Variants in TAOK1 observed in about 807,000 individuals in gnomAD.
TAOK1 encodes the protein TAO kinase 1.
Under a neutral mutation model 138.3 loss-of-function variants are expected in TAOK1, and 21 were observed. The ratio of observed to expected loss-of-function variants is 0.15; its 90% CI spans 0.11 to 0.22. The LOEUF (loss-of-function observed/expected upper bound fraction) is 0.22, where lower values mean the gene tolerates loss of function less well. Ranked by LOEUF, TAOK1 falls within the 10% of genes least tolerant of loss-of-function variation. TAOK1 has a pLI of 1.00. For synonymous variants in TAOK1, 361 were observed against 398.4 expected, an observed-to-expected ratio of 0.91 and a Z score of 1.12; for missense variants, 651 against 1,227.7, an observed-to-expected ratio of 0.53 and a Z score of 7.02.
rs573784402 is a variant in TAOK1 at position 29,444,605 on chromosome 17, T to G, written c.-94-6850T>G. Reference sequence around the variant, plus strand: ...CTTCAGGTAATATGAGTGCTTCACCTTTATTCTTTTTAAAAAGTTATTTTG... The same window carrying G: ...CTTCAGGTAATATGAGTGCTTCACCGTTATTCTTTTTAAAAAGTTATTTTG... On this transcript the variant is annotated intron_variant, in intron 1 of 19. Transcript: ENST00000261716. Among the ~76,000 whole-genome samples the G allele has an allele frequency of 1.6e-4, 25 of 152,328 alleles. 1 individual carries two copies. Among genetic ancestry groups the G allele is most frequent in the African/African-American group, 6.0e-4 (25 of 41,584 alleles).
At chr17:29,463,113 ATTAT>A (rs971866597) in intron 2 of TAOK1, among the ~76,000 whole-genome samples, 4 of 152,236 alleles carry the variant, frequency 2.6e-5, no homozygotes, top group Admixed American at 6.5e-5. Context: ...AAATGTAGAA[ATTAT>A]TTATCCCTTT....
chr17:29,507,004 A>T (rs1221129348), intron 13 of TAOK1, among the ~76,000 whole-genome samples: 2 of 152,206 alleles, frequency 1.3e-5, no homozygotes, highest in Non-Finnish European at 2.9e-5. Context: ...ATAAAAACTC[A>T]TATGACACTA....
At chr17:29,396,550 G>A (rs990237197) in intron 1 of TAOK1, among the ~76,000 whole-genome samples, 2 of 152,100 alleles carry the variant, frequency 1.3e-5, no homozygotes, top group African/African-American at 2.4e-5. Context: ...AAAATTATTT[G>A]ATCAAATAGT....
intron 16 of TAOK1, among the ~76,000 whole-genome samples, chr17:29,519,839 TAGAACTCTGTCCTAC>T (rs1309094888): frequency 1.3e-5 from 2 of 152,186 alleles, no homozygotes; most frequent in Non-Finnish European, 2.9e-5. Flanking sequence ...AATCCACTTC[TAGAACTCTGTCCTAC>T]AGAAATAGTA....
intron 2 of TAOK1, among the ~76,000 whole-genome samples, chr17:29,458,035 G>A (rs946578876): frequency 6.6e-6 from 1 of 151,952 alleles, no homozygotes; most frequent in Non-Finnish European, 1.5e-5. Context: ...GCGTGAACCC[G>A]GGAGGTGGAG....
At position 29,508,143 on chromosome 17, in the gene TAOK1, C is replaced by A. The variant is rs1164109282; in HGVS notation, c.1575+11C>A. 6.2e-7 allele frequency: 1 copy of A among 1,604,810 alleles called. No individual in the cohort carries two copies. Among genetic ancestry groups the A allele is most frequent in the South Asian group, 1.1e-5 (1 of 90,774 alleles). On this transcript the variant is annotated intron_variant, in intron 14 of 19. Coordinates refer to ENST00000261716, the MANE Select transcript of TAOK1 (RefSeq NM_020791.4). The stretch of plus-strand genomic sequence containing the variant: ...GCCATGGAGAAAGAGGTGGCTTATT[C>A]AGTATTATTACTTTGCTTATTTTAG...
intron 1 of TAOK1, among the ~76,000 whole-genome samples, chr17:29,397,558 G>A (rs576451868): frequency 4.5e-5 from 6 of 133,396 alleles, no homozygotes; most frequent in South Asian, 4.6e-4. Flanking sequence ...AGCCGAGATC[G>A]TGCCATTGCA....
At chr17:29,539,511 A>C (rs2032279997) in intron 19 of TAOK1, among the ~76,000 whole-genome samples, 1 of 152,128 alleles carries the variant, frequency 6.6e-6, no homozygotes. Flanking sequence ...ATCTCGGCTC[A>C]CAGCAACCTC....
chr17:29,469,261 A>G (rs1405155317), intron 3 of TAOK1, among the ~76,000 whole-genome samples: 1 of 151,704 alleles, frequency 6.6e-6, no homozygotes, highest in Non-Finnish European at 1.5e-5. Context: ...ATAAATGAAA[A>G]AAGAAAAACT....
chr17:29,402,308 AT>A (rs573610220), intron 1 of TAOK1, among the ~76,000 whole-genome samples: 103 of 152,224 alleles, frequency 6.8e-4, no homozygotes, highest in African/African-American at 2.4e-3. Context: ...AAGACTTTCT[AT>A]TTAATTTTTT....
intron 16 of TAOK1, 47 bp from the exon 17 acceptor site, chr17:29,522,229 TGGCA>T (rs1159344085): frequency 1.9e-6 from 3 of 1,582,004 alleles, no homozygotes; most frequent in Admixed American, 1.8e-5. Context: ...GACTTTTTTC[TGGCA>T]TTATACAGCA....
At chr17:29,428,211 C>G (rs1400465036) in intron 1 of TAOK1, among the ~76,000 whole-genome samples, 6 of 152,088 alleles carry the variant, frequency 3.9e-5, no homozygotes, top group Non-Finnish European at 8.8e-5. Flanking sequence ...AAATCTAAGA[C>G]CATTACTAAA....
intron 1 of TAOK1, among the ~76,000 whole-genome samples, chr17:29,442,385 TTC>T (rs1028307507): frequency 2.7e-5 from 4 of 150,426 alleles, no homozygotes; most frequent in African/African-American, 7.5e-5. Flanking sequence ...GTTTATTTTT[TTC>T]TGTTTTTTTT....
At chr17:29,496,641 A>G (rs1343115227) in intron 11 of TAOK1, among the ~76,000 whole-genome samples, 30 of 128,754 alleles carry the variant, frequency 2.3e-4, no homozygotes, top group South Asian at 1.5e-3. Context: ...AGTTTGGAGT[A>G]CAGTGGCACG....
chr17:29,418,670 T>TA, intron 1 of TAOK1, among the ~76,000 whole-genome samples: 1 of 152,302 alleles, frequency 6.6e-6, no homozygotes, highest in Middle Eastern at 3.4e-3. Context: ...GTAGATTACT[T>TA]ATAATACTAA....
intron 1 of TAOK1, among the ~76,000 whole-genome samples, chr17:29,429,278 C>T (rs1000707285): frequency 2.6e-5 from 4 of 151,928 alleles, no homozygotes; most frequent in Admixed American, 2.6e-4. Context: ...CTTTCATCTA[C>T]TTTCCTCTGA....
intron 8 of TAOK1, among the ~76,000 whole-genome samples, chr17:29,487,752 T>G (rs913587843): frequency 3.3e-5 from 5 of 152,102 alleles, no homozygotes; most frequent in Non-Finnish European, 7.3e-5. Context: ...AATCTGTGAC[T>G]CCATACAATA....
At chr17:29,481,718 G>C (rs955033360) in intron 7 of TAOK1, among the ~76,000 whole-genome samples, 1 of 152,004 alleles carries the variant, frequency 6.6e-6, no homozygotes, top group African/African-American at 2.4e-5. Context: ...CCAGCACTTT[G>C]GGAGGCCAAG....
chr17:29,406,473 A>G (rs1487747909), intron 1 of TAOK1, among the ~76,000 whole-genome samples: 1 of 152,080 alleles, frequency 6.6e-6, no homozygotes, highest in African/African-American at 2.4e-5. Context: ...GTGATTTGGG[A>G]TGGGTATTTG....
Sources: gnomAD v4.1 joint callset for allele counts (sites outside exome capture counted in the v4.1 genomes callset) on GRCh38, gnomAD v4.1.1 for gene constraint, MANE v1.5 for transcripts, NCBI Gene and HGNC (gene_info 2026-07-23, HGNC 2026-07-21) for gene names.